Variants in PFN4 observed in about 807,000 individuals in gnomAD.
PFN4 encodes the protein profilin family member 4.
Under a neutral mutation model 16.3 loss-of-function variants are expected in PFN4, and 10 were observed. That is an observed-to-expected ratio of 0.61 (90% CI 0.38 to 1.04). The LOEUF is 1.04. Among genes scored for constraint, PFN4 ranks in the 50% least tolerant of loss-of-function variants. The probability of loss-of-function intolerance (pLI) is 0.01; values close to 1 mark genes in which losing one functional copy is unlikely to be tolerated. For missense variants in PFN4, 136 were observed against 153.6 expected, an observed-to-expected ratio of 0.89 and a Z score of 0.61; for synonymous variants, 54 against 56.9, an observed-to-expected ratio of 0.95 and a Z score of 0.23.
chr2:24,115,116 A>G lies in PFN4; in HGVS notation c.*467T>C, dbSNP rs1249360776. The stretch of plus-strand genomic sequence containing the variant: ...CAGGGAGTTGTATTACAGGAGGGGT[A>G]ACACTGAGCTCAGGGACTCCACTGC... On this transcript the variant is annotated 3_prime_UTR_variant, in exon 5 of 5. Coordinates refer to ENST00000313213, the MANE Select transcript of PFN4 (RefSeq NM_199346.3). Among the ~76,000 whole-genome samples the G allele has an allele frequency of 2.0e-5, 3 of 152,230 alleles. No individual in the cohort carries two copies. Among genetic ancestry groups the G allele is most frequent in the Non-Finnish European group, 4.4e-5 (3 of 68,046 alleles).
In PFN4 at chr2:24,119,560, C is replaced by A; in HGVS notation, c.361+17G>T. 1 of 1,596,830 alleles carries A rather than the reference C, an allele frequency of 6.3e-7. No homozygotes were observed. The highest frequency in any genetic ancestry group is 1.1e-5 in the South Asian group (1 of 89,910). ...CTAACATAGGGAATGAAGACAGGAA[C>A]TAGGAGGCCAACTTACCCAGGCTCT... On this transcript the variant is annotated intron_variant, in intron 4 of 4. Transcript: ENST00000313213.
intron 4 of PFN4, among the ~76,000 whole-genome samples, chr2:24,118,504 A>C (rs1665993972): frequency 6.6e-6 from 1 of 152,204 alleles, no homozygotes; most frequent in East Asian, 1.9e-4. Context: ...GGTAATGGAG[A>C]AAAAGAAGGA....
chr2:24,120,226 G>A (rs894148302), intron 3 of PFN4, among the ~76,000 whole-genome samples: 5 of 151,774 alleles, frequency 3.3e-5, no homozygotes, highest in Non-Finnish European at 7.4e-5. Context: ...CCGAGATCGT[G>A]CCATTGCACT....
At chr2:24,120,330 G>A (rs951936809) in intron 3 of PFN4, among the ~76,000 whole-genome samples, 5 of 152,024 alleles carry the variant, frequency 3.3e-5, no homozygotes, top group Admixed American at 6.6e-5. Context: ...TGGAAAGGTC[G>A]TACATTTTGG....
chr2:24,121,173 TA>T lies in PFN4; in HGVS notation c.244del (p.Tyr82MetfsTer12). ...ATCTTGAGCACTCACATTTTTGGCA[TA>T]AAGAGAATATTCATCTGCCCGGACA... The part of the protein sequence containing the change: ...RCVRADEYSL[Y>X]AKNENTGVVV... On this transcript the variant is annotated frameshift_variant, in exon 3 of 5. Coordinates refer to ENST00000313213, the MANE Select transcript of PFN4 (RefSeq NM_199346.3). LOFTEE classifies it high-confidence loss of function. 6.2e-7 allele frequency: 1 copy of T among 1,614,060 alleles called. No homozygotes were observed. Among genetic ancestry groups the T allele is most frequent in the South Asian group, 1.1e-5 (1 of 91,016 alleles).
rs1195997326 is a variant in PFN4, at chr2:24,115,181, A to G, written c.*402T>C. Among the ~76,000 whole-genome samples the G allele has an allele frequency of 6.6e-6, 1 of 152,184 alleles. No individual in the cohort carries two copies. Among genetic ancestry groups the G allele is most frequent in the Admixed American group, 6.5e-5 (1 of 15,278 alleles). The stretch of plus-strand genomic sequence containing the variant: ...GTAAGCAAGCTTGCTCTCTGTCCTG[A>G]TGGGAGACATCCCTTCATTTTTCAA... On this transcript the variant is annotated 3_prime_UTR_variant, in exon 5 of 5. Coordinates refer to ENST00000313213, the MANE Select transcript of PFN4 (RefSeq NM_199346.3).
intron 4 of PFN4, 132 bp downstream of exon 4, chr2:24,119,445 A>G (rs1666026822): frequency 1.6e-6 from 1 of 644,180 alleles, no homozygotes; most frequent in African/African-American, 1.8e-5. Flanking sequence ...GTGGCTATGT[A>G]AATAACCTCA....
At chr2:24,117,906 T>C (rs1016136268) in intron 4 of PFN4, among the ~76,000 whole-genome samples, 2 of 152,340 alleles carry the variant, frequency 1.3e-5, no homozygotes, top group Admixed American at 6.5e-5. Flanking sequence ...CATACGACCA[T>C]TTCCAAGATA....
chr2:24,115,329 A>G lies in PFN4; in HGVS notation c.*254T>C, dbSNP rs533229630. 1.3e-4 allele frequency: 60 copies of G among 466,960 alleles called. No homozygotes were observed. The highest frequency in any genetic ancestry group is 2.0e-4 in the Non-Finnish European group (52 of 256,364). 28.9% of individuals were successfully genotyped at this position (466,960 alleles called of 1,614,324 possible). ...AGAGCCTCACAGAAAGGAGCCTCCC[A>G]ATAGATATGCTCTGTGAAATGATCA... On this transcript the variant is annotated 3_prime_UTR_variant, in exon 5 of 5. Coordinates refer to ENST00000313213, the MANE Select transcript of PFN4 (RefSeq NM_199346.3).
chr2:24,118,953 A>C (rs1182523388), intron 4 of PFN4, among the ~76,000 whole-genome samples: 1 of 152,230 alleles, frequency 6.6e-6, no homozygotes, highest in Admixed American at 6.5e-5. Flanking sequence ...ATCTAAACAC[A>C]AACACAATTT....
intron 3 of PFN4, among the ~76,000 whole-genome samples, chr2:24,120,605 G>A (rs1310768123): frequency 6.6e-6 from 1 of 151,936 alleles, no homozygotes; most frequent in Non-Finnish European, 1.5e-5. Flanking sequence ...GCCCAAGCCG[G>A]AGTGCAATGG....
intron 2 of PFN4, among the ~76,000 whole-genome samples, chr2:24,121,611 T>C (rs529104789): frequency 1.3e-5 from 2 of 152,290 alleles, no homozygotes; most frequent in South Asian, 4.1e-4. Context: ...CCCTGTGCTA[T>C]AGTTTGAATC....
At chr2:24,122,725 CAG>C (rs1010741995) in intron 1 of PFN4, 178 bp from the exon 2 acceptor site, 3 of 483,902 alleles carry the variant, frequency 6.2e-6, no homozygotes, top group African/African-American at 5.9e-5. Flanking sequence ...AAGAGGAAAA[CAG>C]AATCATAGAA....
At chr2:24,117,780 C>T (rs112422357) in intron 4 of PFN4, among the ~76,000 whole-genome samples, 3 of 152,046 alleles carry the variant, frequency 2.0e-5, no homozygotes, top group Admixed American at 6.6e-5. Flanking sequence ...ACAATGATCA[C>T]GTATAATTTT....
At chr2:24,116,658 C>T (rs1211838567) in intron 4 of PFN4, among the ~76,000 whole-genome samples, 2 of 151,984 alleles carry the variant, frequency 1.3e-5, no homozygotes, top group East Asian at 3.9e-4. Flanking sequence ...AGTTCGAGAC[C>T]AGCCTGGCTA....
At chr2:24,118,043 C>T (rs1344391614) in intron 4 of PFN4, among the ~76,000 whole-genome samples, 1 of 152,172 alleles carries the variant, frequency 6.6e-6, no homozygotes, top group Admixed American at 6.5e-5. Flanking sequence ...ACCTTTAGTG[C>T]CAGCCACATG....
chr2:24,122,780 A>T lies in PFN4; in HGVS notation c.-12-233T>A, dbSNP rs1308234502. 41 of 358,824 alleles carry T rather than the reference A, an allele frequency of 1.1e-4. 2 individuals are homozygous for T. In the East Asian group the frequency reaches 1.8e-3, roughly 15 times the overall value. The allele number at this position is 358,824 out of a possible 1,614,324, so 22.2% of individuals were successfully genotyped here. A position where few individuals can be genotyped will look rare whatever the true frequency, so the allele number is the denominator to read the frequency against. On this transcript the variant is annotated intron_variant, in intron 1 of 4. Transcript: ENST00000313213. ...GAATAGGTTATGAAGCTGAGTTTGG[A>T]AAATCACAGCCTGGTGATTTTCTGG...
upstream of PFN4, chr2:24,123,491 C>A (rs951237558): frequency 3.9e-5 from 6 of 152,166 alleles, no homozygotes; most frequent in Admixed American, 2.6e-4. Context: ...GAACCCGCGG[C>A]GCAGGGGGCG....
intron 3 of PFN4, 48 bp from the exon 4 acceptor site, chr2:24,119,730 G>A (rs1240990889): frequency 7.7e-6 from 11 of 1,422,454 alleles, no homozygotes; most frequent in Non-Finnish European, 1.1e-5. Flanking sequence ...TCTAATCACA[G>A]GACCAGTGGT....
Sources: gnomAD v4.1 joint callset for allele counts (sites outside exome capture counted in the v4.1 genomes callset) on GRCh38, gnomAD v4.1.1 for gene constraint, MANE v1.5 for transcripts, NCBI Gene and HGNC (gene_info 2026-07-23, HGNC 2026-07-21) for gene names.